The following KCNH5 variants were observed in gnomAD, a reference collection of about 807,000 sequenced individuals.
KCNH5 encodes potassium voltage-gated channel subfamily H member 5.
KCNH5 carries 46 observed loss-of-function variants against 96.1 expected under a neutral mutation model. The observed-to-expected ratio is 0.48, with a 90% confidence interval of 0.38 to 0.61. KCNH5 has a LOEUF of 0.61. KCNH5 is among the 20% of genes least tolerant of loss of function. The pLI is 0.00. For synonymous variants in KCNH5, 439 were observed against 449.8 expected (o/e 0.98, Z 0.30); for missense variants, 907 against 1,225.8 (o/e 0.74, Z 3.88).
chr14:62,951,663 TAAG>T (rs1890007921), intron 6 of KCNH5, among the ~76,000 whole-genome samples: 1 of 152,110 alleles, frequency 6.6e-6, no homozygotes, highest in Non-Finnish European at 1.5e-5. Context: ...TCCTGACAGT[TAAG>T]AAGGAAACAG....
chr14:62,716,699 T>G (rs1185725790), intron 10 of KCNH5, among the ~76,000 whole-genome samples: 1 of 152,172 alleles, frequency 6.6e-6, no homozygotes, highest in Admixed American at 6.5e-5. Context: ...TCATACTTTA[T>G]AGTAAAATAC....
chr14:62,790,490 T>C (rs1886410511), intron 9 of KCNH5, among the ~76,000 whole-genome samples: 1 of 151,866 alleles, frequency 6.6e-6, no homozygotes, highest in African/African-American at 2.4e-5. Flanking sequence ...TTGCTTTGGC[T>C]AGTATGTACA....
At chr14:63,011,549 C>G (rs1295177465) in intron 2 of KCNH5, among the ~76,000 whole-genome samples, 1 of 151,958 alleles carries the variant, frequency 6.6e-6, no homozygotes, top group African/African-American at 2.4e-5. Flanking sequence ...AAAGACATTC[C>G]TTTATACAGA....
intron 10 of KCNH5, among the ~76,000 whole-genome samples, chr14:62,776,148 T>C (rs1471536308): frequency 1.3e-5 from 2 of 152,106 alleles, no homozygotes; most frequent in African/African-American, 4.8e-5. Context: ...GCACCTGTAA[T>C]TCCTGCTACT....
intron 5 of KCNH5, among the ~76,000 whole-genome samples, chr14:62,985,331 G>A (rs1286337725): frequency 6.6e-6 from 1 of 152,036 alleles, no homozygotes; most frequent in Non-Finnish European, 1.5e-5. Context: ...TGTTAGCCAT[G>A]GTCTAAGAAA....
intron 1 of KCNH5, among the ~76,000 whole-genome samples, chr14:63,030,479 G>A (rs1051772541): frequency 1.2e-4 from 19 of 152,258 alleles, no homozygotes; most frequent in Non-Finnish European, 2.4e-4. Flanking sequence ...GGTTAAAAAC[G>A]AATCAAAGAC....
At chr14:62,948,277 G>A (rs1242495388) in intron 7 of KCNH5, among the ~76,000 whole-genome samples, 1 of 151,994 alleles carries the variant, frequency 6.6e-6, no homozygotes, top group East Asian at 1.9e-4. Context: ...GAATAATGCT[G>A]CAATAAACAT....
chr14:62,824,945 T>C (rs775494885), intron 8 of KCNH5, among the ~76,000 whole-genome samples: 1 of 151,804 alleles, frequency 6.6e-6, no homozygotes, highest in Non-Finnish European at 1.5e-5. Flanking sequence ...GATTTCATTG[T>C]TTTTTTTATG....
At position 62,908,782 on chromosome 14, in the gene KCNH5, A is replaced by ATTTTTTTTTTTTTTTTTTTTTTTT. The variant is rs71120241; in HGVS notation, c.1369+41327_1369+41350dup. On this transcript the variant is annotated intron_variant, in intron 7 of 10. Coordinates refer to ENST00000322893, the MANE Select transcript of KCNH5 (RefSeq NM_139318.5). Reference sequence around the variant, plus strand: ...TTGCCCTTTGTTGATTTTGCTTTGTATTTTTTTTTTTTTTTTTTTTTTTTT... The same window carrying ATTTTTTTTTTTTTTTTTTTTTTTT: ...TTGCCCTTTGTTGATTTTGCTTTGTATTTTTTTTTTTTTTTTTTTTTTTTTTTTTTTTTTTTTTTTTTTTTTTTT... 2.1e-4 allele frequency among the ~76,000 whole-genome samples: 5 copies of ATTTTTTTTTTTTTTTTTTTTTTTT among 23,718 alleles called. 1 individual carries two copies. The highest frequency in any genetic ancestry group is 5.4e-4 in the African/African-American group (3 of 5,540). The allele number at this position is 23,718 out of a possible 152,430, so 15.6% of individuals were successfully genotyped here.
chr14:62,849,212 G>A (rs1021454532), intron 8 of KCNH5, among the ~76,000 whole-genome samples: 1 of 152,256 alleles, frequency 6.6e-6, no homozygotes, highest in South Asian at 2.1e-4. Context: ...AATTTAGGTG[G>A]AGGACAGCAT....
intron 3 of KCNH5, among the ~76,000 whole-genome samples, chr14:63,003,450 TTA>T (rs1246382741): frequency 7.4e-6 from 1 of 134,372 alleles, no homozygotes; most frequent in Non-Finnish European, 1.5e-5. Flanking sequence ...TATATATATA[TTA>T]TATATATATT....
intron 7 of KCNH5, among the ~76,000 whole-genome samples, chr14:62,878,747 G>A (rs933699244): frequency 6.6e-6 from 1 of 152,050 alleles, no homozygotes; most frequent in Non-Finnish European, 1.5e-5. Flanking sequence ...TACTGTGCTG[G>A]ATGCTAAAAG....
intron 7 of KCNH5, among the ~76,000 whole-genome samples, chr14:62,920,862 A>G (rs1271240672): frequency 1.3e-5 from 2 of 152,196 alleles, no homozygotes; most frequent in Non-Finnish European, 2.9e-5. Context: ...CCTAAGTCAG[A>G]GGTCATGCAT....
intron 10 of KCNH5, among the ~76,000 whole-genome samples, chr14:62,775,634 T>G (rs1886079702): frequency 6.6e-6 from 1 of 152,154 alleles, no homozygotes; most frequent in Non-Finnish European, 1.5e-5. Context: ...TTATTAATAT[T>G]TATGGCATTT....
At chr14:62,951,735 T>G (rs1594641990) in intron 6 of KCNH5, among the ~76,000 whole-genome samples, 1 of 151,906 alleles carries the variant, frequency 6.6e-6, no homozygotes. Flanking sequence ...CCGAGGCAGG[T>G]GGATCACCTG....
At chr14:62,916,173 C>T (rs899221653) in intron 7 of KCNH5, among the ~76,000 whole-genome samples, 10 of 151,906 alleles carry the variant, frequency 6.6e-5, no homozygotes, top group Admixed American at 2.0e-4. Context: ...AGGATGGGCT[C>T]GATCTCCTGA....
chr14:62,768,375 A>C (rs1008267001), intron 10 of KCNH5, among the ~76,000 whole-genome samples: 1 of 152,220 alleles, frequency 6.6e-6, no homozygotes, highest in African/African-American at 2.4e-5. Context: ...TTGTTTTCTA[A>C]TTCAAAAGGA....
intron 9 of KCNH5, among the ~76,000 whole-genome samples, chr14:62,781,111 C>A (rs1275088548): frequency 1.3e-5 from 2 of 151,926 alleles, no homozygotes; most frequent in Non-Finnish European, 2.9e-5. Context: ...AATAAAGGGA[C>A]AGAGTACAAA....
At chr14:62,746,712 C>T (rs1365480886) in intron 10 of KCNH5, among the ~76,000 whole-genome samples, 6 of 152,106 alleles carry the variant, frequency 3.9e-5, no homozygotes, top group African/African-American at 9.7e-5. Context: ...ATGAATTTTA[C>T]CTTTACTATG....
Sources: allele counts gnomAD v4.1 joint callset (sites outside exome capture counted in the v4.1 genomes callset), GRCh38; gene constraint gnomAD v4.1.1; transcripts MANE v1.5; gene names NCBI Gene and HGNC (gene_info 2026-07-23, HGNC 2026-07-21).